The following CAPN5 variants were observed in gnomAD, a reference collection of about 807,000 sequenced individuals.
The protein encoded by CAPN5 is calpain-5.
Under a neutral mutation model 73.0 loss-of-function variants are expected in CAPN5, and 54 were observed. The observed-to-expected ratio is 0.74, with a 90% confidence interval of 0.59 to 0.93. The LOEUF (loss-of-function observed/expected upper bound fraction) is 0.93. Among genes scored for constraint, CAPN5 ranks in the 40% least tolerant of loss-of-function variants. The pLI, the probability that CAPN5 is intolerant of heterozygous loss-of-function variation, is 0.00. For missense variants in CAPN5, 785 were observed against 882.9 expected, an observed-to-expected ratio of 0.89 and a Z score of 1.41; for synonymous variants, 335 against 356.9, an observed-to-expected ratio of 0.94 and a Z score of 0.69.
At chr11:77,089,258 G>A (rs1231319577) in intron 2 of CAPN5, among the ~76,000 whole-genome samples, 1 of 152,164 alleles carries the variant, frequency 6.6e-6, no homozygotes, top group East Asian at 1.9e-4. Flanking sequence ...AGGACACTTC[G>A]GGTCCCCATT....
intron 1 of CAPN5, among the ~76,000 whole-genome samples, chr11:77,082,969 G>T (rs563771743): frequency 6.6e-6 from 1 of 152,194 alleles, no homozygotes; most frequent in Non-Finnish European, 1.5e-5. Flanking sequence ...CCGGAAACCC[G>T]TGGTGCTAAT....
At chr11:77,094,496 C>G (rs993952364) in intron 3 of CAPN5, among the ~76,000 whole-genome samples, 2 of 152,258 alleles carry the variant, frequency 1.3e-5, no homozygotes, top group African/African-American at 4.8e-5. Context: ...ATTCCGTGCA[C>G]AGGAGGCAGG....
chr11:77,086,510 C>T (rs949944581), intron 2 of CAPN5, among the ~76,000 whole-genome samples: 6 of 152,232 alleles, frequency 3.9e-5, no homozygotes, highest in Admixed American at 2.6e-4. Context: ...GTAACAGAAT[C>T]TCTGGCCCTG....
chr11:77,107,152 T>A (rs782070573), intron 3 of CAPN5, among the ~76,000 whole-genome samples: 14 of 152,176 alleles, frequency 9.2e-5, no homozygotes, highest in Non-Finnish European at 1.8e-4. Context: ...CCCACCACTT[T>A]CCTGCCCTCC....
intron 1 of CAPN5, among the ~76,000 whole-genome samples, chr11:77,077,524 T>G (rs1283802684): frequency 6.9e-6 from 1 of 144,886 alleles, no homozygotes; most frequent in African/African-American, 2.9e-5. Context: ...GTTGAGCTTT[T>G]TAATTTTTTT....
At chr11:77,103,194 G>A (rs1291783779) in intron 3 of CAPN5, 4 of 1,613,698 alleles carry the variant, frequency 2.5e-6, no homozygotes, top group African/African-American at 1.3e-5. Flanking sequence ...AGATTGGAAT[G>A]AGGCCGACGC....
chr11:77,099,859 G>A (rs1950266154), intron 3 of CAPN5, among the ~76,000 whole-genome samples: 1 of 151,622 alleles, frequency 6.6e-6, no homozygotes, highest in South Asian at 2.1e-4. Flanking sequence ...TTTTTGAGTT[G>A]GAGTTTCGCT....
chr11:77,085,439 A>G (rs1304898893), intron 2 of CAPN5, among the ~76,000 whole-genome samples: 1 of 152,232 alleles, frequency 6.6e-6, no homozygotes, highest in Non-Finnish European at 1.5e-5. Context: ...GATTGTTATC[A>G]TCATGATTTT....
At chr11:77,103,030 A>G in intron 3 of CAPN5, 1 of 1,613,626 alleles carries the variant, frequency 6.2e-7, no homozygotes, top group Non-Finnish European at 8.5e-7. Flanking sequence ...CAGCGGCTAC[A>G]GTTCGAGCGC....
At chr11:77,097,470 T>TTTTG (rs1555037647) in intron 3 of CAPN5, among the ~76,000 whole-genome samples, 2 of 137,018 alleles carry the variant, frequency 1.5e-5, no homozygotes, top group East Asian at 4.0e-4. Flanking sequence ...TCTAGTTTTT[T>TTTTG]TTTTTTTTTT....
intron 3 of CAPN5, 89 bp downstream of exon 3, chr11:77,093,902 G>A: frequency 6.5e-7 from 1 of 1,532,154 alleles, no homozygotes; most frequent in Non-Finnish European, 8.8e-7. Flanking sequence ...CCTGATTGTG[G>A]CAGATGAGAC....
intron 3 of CAPN5, among the ~76,000 whole-genome samples, chr11:77,109,737 G>A (rs537347511): frequency 2.6e-5 from 4 of 152,214 alleles, no homozygotes; most frequent in East Asian, 1.9e-4. Flanking sequence ...GGCCCACCCC[G>A]TGCCAGGTGC....
At chr11:77,087,625 G>A (rs180850575) in intron 2 of CAPN5, among the ~76,000 whole-genome samples, 2 of 152,166 alleles carry the variant, frequency 1.3e-5, no homozygotes, top group Admixed American at 6.5e-5. Flanking sequence ...AGTCACTCCT[G>A]CTTGGGCCTC....
Position 77,118,348 on chromosome 11 carries a change from C to A in CAPN5, c.1163C>A (p.Pro388Gln). 1 of 1,575,162 alleles carries A rather than the reference C, an allele frequency of 6.3e-7. No individual in the cohort carries two copies. The change falls in exon 8 of 13, where the codon CCA becomes CAA. Residue 388 changes from proline (P) to glutamine (Q), a missense_variant. Coordinates refer to ENST00000648180, the MANE Select transcript of CAPN5 (RefSeq NM_004055.5). ...INHKDTFFQN[P>Q]QYIFEVKKPE... ...CACAAGGACACCTTCTTCCAGAACC[C>A]ACAGGTGGGCGTTCTCAGGAACCCC...
At chr11:77,116,337 G>T in intron 7 of CAPN5, 34 bp downstream of exon 7, 1 of 1,571,584 alleles carries the variant, frequency 6.4e-7, no homozygotes, top group Non-Finnish European at 8.7e-7. Flanking sequence ...GTCCGGGGCT[G>T]AGGGGGCTTC....
intron 3 of CAPN5, chr11:77,103,270 C>T: frequency 1.2e-6 from 2 of 1,613,284 alleles, no homozygotes; most frequent in Middle Eastern, 1.6e-4. Flanking sequence ...TTCCTCGTCA[C>T]CTTTGGCGAG....
At chr11:77,115,720 A>C (rs1950460926) in intron 6 of CAPN5, 132 bp downstream of exon 6, 5 of 695,886 alleles carry the variant, frequency 7.2e-6, no homozygotes, top group Non-Finnish European at 1.2e-5. Context: ...GGAACGAAGA[A>C]GGGAGAATTA....
At chr11:77,115,679 G>A in intron 6 of CAPN5, 91 bp downstream of exon 6, 2 of 1,018,090 alleles carry the variant, frequency 2.0e-6, no homozygotes, top group Non-Finnish European at 2.9e-6. Context: ...CTGGGGCTGG[G>A]CCTTGAAGGA....
intron 3 of CAPN5, among the ~76,000 whole-genome samples, chr11:77,111,545 C>A (rs1476072728): frequency 6.6e-6 from 1 of 152,164 alleles, no homozygotes; most frequent in African/African-American, 2.4e-5. Flanking sequence ...CCAGATGCGT[C>A]ATAAGTAATA....
Sources: allele counts gnomAD v4.1 joint callset (sites outside exome capture counted in the v4.1 genomes callset), GRCh38; gene constraint gnomAD v4.1.1; transcripts MANE v1.5; gene names NCBI Gene and HGNC (gene_info 2026-07-23, HGNC 2026-07-21).